Variants in FLNB observed in about 807,000 individuals in gnomAD.
The protein encoded by FLNB is filamin B.
A neutral mutation model predicts 250.6 loss-of-function variants in FLNB; 111 were observed. That is an observed-to-expected ratio of 0.44 (90% CI 0.38 to 0.52). FLNB has a LOEUF of 0.52. FLNB is among the 20% of genes least tolerant of loss of function. The pLI, the probability that FLNB is intolerant of heterozygous loss-of-function variation, is 0.00. For synonymous variants in FLNB, 1,302 were observed against 1,372.1 expected, an observed-to-expected ratio of 0.95 and a Z score of 1.13; for missense variants, 2,869 against 3,447.8, an observed-to-expected ratio of 0.83 and a Z score of 4.20.
chr3:58,148,678 G>A lies in FLNB; in HGVS notation c.5917G>A (p.Glu1973Lys), dbSNP rs368965386. The change falls in exon 36 of 46, where the codon GAA (glutamate) becomes AAA (lysine). Residue 1973 changes from glutamate to lysine, a missense_variant. Transcript: ENST00000295956. ...CTCCTTCATCCCCCGGGAAGTGGGC[G>A]AACATCTGGTCAGCATCAAGAAAAA... ...GISFIPREVG[E>K]HLVSIKKNGN... is the part of the protein sequence containing the mutation. The A allele has an allele frequency of 3.1e-5, 50 of 1,614,066 alleles. No individual in the cohort carries two copies. Among genetic ancestry groups the A allele is most frequent in the Admixed American group, 1.7e-4 (10 of 60,010 alleles).
chr3:58,143,345 G>T, intron 31 of FLNB, 128 bp from the exon 32 acceptor site: 1 of 954,090 alleles, frequency 1.0e-6, no homozygotes, highest in Non-Finnish European at 1.6e-6. Context: ...GGACTTGAAT[G>T]TTTTAGGCAG....
At chr3:58,158,183 A>G (rs1005303028) in intron 41 of FLNB, among the ~76,000 whole-genome samples, 4 of 152,142 alleles carry the variant, frequency 2.6e-5, no homozygotes, top group Non-Finnish European at 5.9e-5. Context: ...TCCTCAGTCT[A>G]TATCCCCTAG....
chr3:58,103,471 CAGATAGCGTCTGA>C (rs2097254436), intron 9 of FLNB, among the ~76,000 whole-genome samples: 1 of 152,184 alleles, frequency 6.6e-6, no homozygotes, highest in Non-Finnish European at 1.5e-5. Flanking sequence ...TGTCCTCTTG[CAGATAGCGTCTGA>C]GGACTTTCTT....
intron 26 of FLNB, among the ~76,000 whole-genome samples, chr3:58,133,675 A>G (rs1162652551): frequency 6.6e-6 from 1 of 152,034 alleles, no homozygotes; most frequent in Non-Finnish European, 1.5e-5. Context: ...AAAATGTTAC[A>G]TAAGCTCTTC....
intron 1 of FLNB, among the ~76,000 whole-genome samples, chr3:58,052,472 G>T (rs13321311): frequency 0.057 from 8,675 of 152,200 alleles, 783 homozygotes; most frequent in African/African-American, 0.2. Flanking sequence ...GCTGAGTCAT[G>T]TGGCACCCAG....
chr3:58,109,116 T>C (rs528733358), intron 13 of FLNB, 63 bp from the exon 14 acceptor site: 1 of 1,609,996 alleles, frequency 6.2e-7, no homozygotes, highest in South Asian at 1.1e-5. Flanking sequence ...GAGGCCACAG[T>C]GACCCTGTCT....
chr3:58,020,563 T>C (rs2097112412), intron 1 of FLNB, among the ~76,000 whole-genome samples: 1 of 152,218 alleles, frequency 6.6e-6, no homozygotes, highest in Non-Finnish European at 1.5e-5. Flanking sequence ...ACAGCACTCC[T>C]GTTCTCTCTC....
chr3:58,078,457 T>C lies in FLNB; in HGVS notation c.542-260T>C, dbSNP rs138606338. On this transcript the variant is annotated intron_variant, in intron 2 of 45. Transcript: ENST00000295956. Reference sequence around the variant, plus strand: ...GCTTTGTTTATTTTTTAACACCACTTCTTCAAGGAATGGATAATCCCCATC... The same window carrying C: ...GCTTTGTTTATTTTTTAACACCACTCCTTCAAGGAATGGATAATCCCCATC... The C allele has an allele frequency of 2.0e-4, 305 of 1,535,738 alleles. 1 individual carries two copies. The African/African-American group carries it at 3.3e-3, about 16-fold the overall frequency.
intron 18 of FLNB, among the ~76,000 whole-genome samples, chr3:58,116,255 C>G (rs1008835685): frequency 1.2e-4 from 19 of 152,240 alleles, no homozygotes; most frequent in Non-Finnish European, 2.8e-4. Context: ...CAGAAAGCCA[C>G]CCCCTGACAC....
At chr3:58,094,485 A>G (rs1265736959) in intron 4 of FLNB, among the ~76,000 whole-genome samples, 1 of 152,282 alleles carries the variant, frequency 6.6e-6, no homozygotes, top group Non-Finnish European at 1.5e-5. Flanking sequence ...AATGTCAGGC[A>G]ATACAATAAA....
intron 1 of FLNB, among the ~76,000 whole-genome samples, chr3:58,072,416 T>G (rs1032078188): frequency 6.6e-6 from 1 of 152,206 alleles, no homozygotes; most frequent in Non-Finnish European, 1.5e-5. Flanking sequence ...GGCCTTTTCC[T>G]CCTCTTAAGG....
intron 4 of FLNB, among the ~76,000 whole-genome samples, chr3:58,082,035 A>G (rs1461789797): frequency 6.6e-6 from 1 of 152,000 alleles, no homozygotes; most frequent in Non-Finnish European, 1.5e-5. Context: ...CATTGCTCCC[A>G]TTTTTCAGAA....
At chr3:58,084,828 C>G (rs564241899) in intron 4 of FLNB, among the ~76,000 whole-genome samples, 2 of 151,994 alleles carry the variant, frequency 1.3e-5, no homozygotes, top group Non-Finnish European at 2.9e-5. Flanking sequence ...TTTGCTTATT[C>G]TAGGGACCTC....
chr3:58,072,133 C>T (rs1193638128), intron 1 of FLNB, among the ~76,000 whole-genome samples: 3 of 152,198 alleles, frequency 2.0e-5, no homozygotes, highest in African/African-American at 7.2e-5. Flanking sequence ...CCACCCTGCT[C>T]ACTTAGAAGC....
chr3:58,124,377 C>G lies in FLNB; in HGVS notation c.3770C>G (p.Pro1257Arg). 1 of 1,614,198 alleles carries G rather than the reference C, an allele frequency of 6.2e-7. No homozygotes were observed. The highest frequency in any genetic ancestry group is 8.5e-7 in the Non-Finnish European group (1 of 1,180,034). The change falls in exon 22 of 46, where the codon CCG becomes CGG. Residue 1257 changes from proline (P) to arginine (R), a missense_variant. Pro to Arg is a moderately radical substitution (Grantham distance 103, BLOSUM62 -2). Around this residue, in one of 5 missense-constraint regions of FLNB, gnomAD observed 1,348 missense variants for 1,466.7 expected, o/e 0.92. Transcript: ENST00000295956. Reference sequence around the variant, plus strand: ...ACCGACTTTACAGTTGACTCTCGGCCGCTGACCCAGGTTGGGGGTGACCAC... The same window carrying G: ...ACCGACTTTACAGTTGACTCTCGGCGGCTGACCCAGGTTGGGGGTGACCAC... ...ATTDFTVDSR[P>R]LTQVGGDHIK...
intron 14 of FLNB, 42 bp downstream of exon 14, chr3:58,109,364 C>T (rs1576733681): frequency 6.3e-7 from 1 of 1,598,564 alleles, no homozygotes; most frequent in Non-Finnish European, 8.5e-7. Context: ...ATGGAAATGC[C>T]TGGTCATACA....
intron 40 of FLNB, 26 bp downstream of exon 40, chr3:58,154,954 A>T: frequency 6.2e-7 from 1 of 1,611,700 alleles, no homozygotes; most frequent in Non-Finnish European, 8.5e-7. Context: ...TCACAAGAGG[A>T]CATTTTCCTT....
chr3:58,101,383 G>A (rs1474047985), intron 8 of FLNB, among the ~76,000 whole-genome samples: 1 of 152,152 alleles, frequency 6.6e-6, no homozygotes, highest in Admixed American at 6.5e-5. Flanking sequence ...TTACTGAAAA[G>A]GTTGTCCGTG....
rs752684268 is a variant in FLNB at position 58,123,410 on chromosome 3, G to A, written c.3444G>A (p.Val1148=). The change falls in exon 21 of 46, where the codon GTG becomes GTA. Residue 1148 remains valine (V), a synonymous_variant. Transcript: ENST00000295956. ...GGCCAGGTCTCGAGCACGGGAAGGT[G>A]GGTGAAGCTGGCCTCCTTAGCGTCG... ...ASGPGLEHGK[V]GEAGLLSVDC... 1 of 1,614,110 alleles carries A rather than the reference G, an allele frequency of 6.2e-7. No homozygotes were observed. The highest frequency in any genetic ancestry group is 8.5e-7 in the Non-Finnish European group (1 of 1,179,986).
Sources: gnomAD v4.1 joint callset for allele counts (sites outside exome capture counted in the v4.1 genomes callset) on GRCh38, gnomAD v4.1.1 for gene constraint, gnomAD v4.1.1 regional missense constraint, MANE v1.5 for transcripts, NCBI Gene and HGNC (gene_info 2026-07-23, HGNC 2026-07-21) for gene names.